Variants in ATP10B observed in about 807,000 individuals in gnomAD.
ATP10B encodes the protein phospholipid-transporting ATPase VB.
A neutral mutation model predicts 141.2 loss-of-function variants in ATP10B; 122 were observed. That is an observed-to-expected ratio of 0.86 (90% CI 0.75 to 1.00). ATP10B has a LOEUF of 1.00. Among genes scored for constraint, ATP10B ranks in the 50% least tolerant of loss-of-function variants. ATP10B has a pLI of 0.00. For synonymous variants in ATP10B, 685 were observed against 692.0 expected (o/e 0.99, Z 0.16); for missense variants, 1,876 against 1,825.3 (o/e 1.03, Z -0.51).
chr5:160,854,908 A>G (rs1753960742), upstream of ATP10B, among the ~76,000 whole-genome samples: 1 of 152,170 alleles, frequency 6.6e-6, no homozygotes, highest in Admixed American at 6.6e-5. Context: ...GAGAGAGAAA[A>G]TGTAGGAAAA....
chr5:160,676,127 CT>C (rs2127732854), intron 6 of ATP10B, among the ~76,000 whole-genome samples: 1 of 152,194 alleles, frequency 6.6e-6, no homozygotes, highest in South Asian at 2.1e-4. Flanking sequence ...GTATAAAGTT[CT>C]TTATATTGGG....
At chr5:160,906,229 T>G in the ATP10B span, among the ~76,000 whole-genome samples, 1 of 152,174 alleles carries the variant, frequency 6.6e-6, no homozygotes, top group African/African-American at 2.4e-5. Flanking sequence ...CTTGTTAATG[T>G]GTGACCATGG....
the ATP10B span, among the ~76,000 whole-genome samples, chr5:160,895,234 G>GC: frequency 0.74 from 112,113 of 151,580 alleles, 42,907 homozygotes; most frequent in East Asian, 0.97. Flanking sequence ...CAGGCTAAAT[G>GC]CCCCATTAGA....
Position 160,785,815 on chromosome 5 carries a change from A to G in ATP10B, c.-575-12T>C. 1 of 407,586 alleles carries G rather than the reference A, an allele frequency of 2.5e-6. No individual in the cohort carries two copies. The highest frequency in any genetic ancestry group is 4.1e-6 in the Non-Finnish European group (1 of 245,764). 25.2% of individuals were successfully genotyped at this position (407,586 alleles called of 1,614,324 possible). Reference sequence around the variant, plus strand: ...TTGTCAAAGGAAGCCTGCACGACACAGGACAGAAAAGAAATACAAAATATA... The same window carrying G: ...TTGTCAAAGGAAGCCTGCACGACACGGGACAGAAAAGAAATACAAAATATA... On this transcript the variant is annotated splice_polypyrimidine_tract_variant and intron_variant, in intron 1 of 25. Transcript: ENST00000327245.
chr5:160,609,362 AAT>A (rs1757581690), intron 18 of ATP10B, among the ~76,000 whole-genome samples: 1 of 147,476 alleles, frequency 6.8e-6, no homozygotes, highest in Admixed American at 6.9e-5. Flanking sequence ...TGTGTGGGGG[AAT>A]ATGTCTGCCA....
At chr5:160,927,123 A>C in the ATP10B span, among the ~76,000 whole-genome samples, 1 of 152,222 alleles carries the variant, frequency 6.6e-6, no homozygotes, top group Non-Finnish European at 1.5e-5. Context: ...AGAGAAGAGT[A>C]CAGCTCATAG....
At chr5:160,737,025 C>A (rs1015316693) in intron 2 of ATP10B, among the ~76,000 whole-genome samples, 1 of 152,186 alleles carries the variant, frequency 6.6e-6, no homozygotes, top group Non-Finnish European at 1.5e-5. Context: ...ACCAGCAAAC[C>A]AAATTCAACA....
At chr5:160,632,492 G>C (rs930043457) in intron 12 of ATP10B, 125 bp from the exon 13 acceptor site, 1 of 846,358 alleles carries the variant, frequency 1.2e-6, no homozygotes, top group Non-Finnish European at 1.9e-6. Flanking sequence ...TGAAAAATTG[G>C]CATCTGGGCT....
rs183778067 is a variant in ATP10B at position 160,742,108 on chromosome 5, C to T, written c.-330-25074G>A. On this transcript the variant is annotated intron_variant, in intron 2 of 25. Transcript: ENST00000327245. ...ACTGACAACCTCTCTGACTCTTAGT[C>T]TATTGGGTTAAATGATATCTACTTC... Among the ~76,000 whole-genome samples the T allele has an allele frequency of 1.9e-3, 289 of 152,284 alleles. 2 individuals carry two copies. Among genetic ancestry groups the T allele is most frequent in the African/African-American group, 6.7e-3 (279 of 41,554 alleles).
At chr5:160,584,770 C>A (rs2127605049) in intron 24 of ATP10B, among the ~76,000 whole-genome samples, 1 of 152,058 alleles carries the variant, frequency 6.6e-6, no homozygotes, top group African/African-American at 2.4e-5. Flanking sequence ...TTTGTGAGGG[C>A]CTATGGGTAG....
chr5:160,797,288 C>G (rs2127922539), intron 1 of ATP10B, among the ~76,000 whole-genome samples: 1 of 152,294 alleles, frequency 6.6e-6, no homozygotes, highest in Non-Finnish European at 1.5e-5. Context: ...GATGCATGCA[C>G]AACGAATTAC....
intron 2 of ATP10B, among the ~76,000 whole-genome samples, chr5:160,755,541 C>T (rs1031510265): frequency 6.6e-5 from 10 of 150,848 alleles, no homozygotes; most frequent in Admixed American, 2.0e-4. Context: ...ATAGTCCGGG[C>T]GCGGTGGCTC....
At chr5:160,722,431 C>A (rs1449802468) in intron 2 of ATP10B, among the ~76,000 whole-genome samples, 1 of 152,152 alleles carries the variant, frequency 6.6e-6, no homozygotes, top group African/African-American at 2.4e-5. Flanking sequence ...GTTGTTTTAG[C>A]ACCACGTGAA....
intron 2 of ATP10B, among the ~76,000 whole-genome samples, chr5:160,722,079 G>A (rs759726992): frequency 6.6e-6 from 1 of 152,080 alleles, no homozygotes; most frequent in East Asian, 1.9e-4. Flanking sequence ...CGAGTGCTTC[G>A]TAGGAAGTAT....
chr5:160,914,308 G>A, the ATP10B span, among the ~76,000 whole-genome samples: 1 of 152,132 alleles, frequency 6.6e-6, no homozygotes, highest in Non-Finnish European at 1.5e-5. Context: ...GTCTAATTGA[G>A]GAGTTATGTA....
At chr5:160,659,701 A>G (rs1022428813) in intron 7 of ATP10B, among the ~76,000 whole-genome samples, 5 of 152,074 alleles carry the variant, frequency 3.3e-5, no homozygotes, top group African/African-American at 9.7e-5. Flanking sequence ...AGTCTATAGA[A>G]AATAAAAGTA....
chr5:160,719,536 G>A (rs768152796), intron 2 of ATP10B, among the ~76,000 whole-genome samples: 5 of 152,200 alleles, frequency 3.3e-5, no homozygotes, highest in Non-Finnish European at 5.9e-5. Context: ...TTGCTGAATG[G>A]TTGCTGAGTT....
At chr5:160,767,945 T>A (rs1769598137) in intron 2 of ATP10B, among the ~76,000 whole-genome samples, 1 of 152,108 alleles carries the variant, frequency 6.6e-6, no homozygotes. Context: ...GAAGTAAACT[T>A]TTTTCTCTTT....
At chr5:160,899,971 T>C in the ATP10B span, among the ~76,000 whole-genome samples, 2 of 152,176 alleles carry the variant, frequency 1.3e-5, no homozygotes, top group African/African-American at 4.8e-5. Context: ...CATCAGCCAC[T>C]CCAAGGGAAG....
Sources: gnomAD v4.1 joint callset for allele counts (sites outside exome capture counted in the v4.1 genomes callset) on GRCh38, gnomAD v4.1.1 for gene constraint, MANE v1.5 for transcripts, NCBI Gene and HGNC (gene_info 2026-07-23, HGNC 2026-07-21) for gene names.